The following CELF1 variants were observed in gnomAD, a reference collection of about 807,000 sequenced individuals.
CELF1 encodes the protein 50 kDa nuclear polyadenylated RNA-binding protein.
In CELF1, 10 loss-of-function variants were observed where a neutral mutation model predicts 61.8. The observed-to-expected ratio is 0.16, with a 90% confidence interval of 0.10 to 0.27. The LOEUF is 0.27. Among genes scored for constraint, CELF1 ranks in the 10% least tolerant of loss-of-function variants. CELF1 has a pLI of 1.00. For synonymous variants in CELF1, 236 were observed against 225.1 expected, an observed-to-expected ratio of 1.05 and a Z score of -0.43; for missense variants, 380 against 639.1, an observed-to-expected ratio of 0.59 and a Z score of 4.37.
intron 1 of CELF1, among the ~76,000 whole-genome samples, chr11:47,516,503 G>A (rs577358705): frequency 1.3e-5 from 2 of 152,154 alleles, no homozygotes; most frequent in African/African-American, 4.8e-5. Flanking sequence ...AATCTTCCGG[G>A]TATTGCAGAT....
At chr11:47,546,236 CTTT>C (rs11315629) in intron 1 of CELF1, among the ~76,000 whole-genome samples, 23 of 79,144 alleles carry the variant, frequency 2.9e-4, no homozygotes, top group Admixed American at 3.2e-4. Context: ...CTCTCAGTAT[CTTT>C]TTTTTTTTTT....
At chr11:47,501,801 C>A (rs1454242185) in intron 1 of CELF1, among the ~76,000 whole-genome samples, 2 of 152,124 alleles carry the variant, frequency 1.3e-5, no homozygotes, top group South Asian at 2.1e-4. Context: ...CCAGCCTGGG[C>A]GACAGTAAGA....
chr11:47,558,571 ATAAATATATATATATATT>A (rs2097213813), intron 2 of CELF1, among the ~76,000 whole-genome samples: 1 of 114,472 alleles, frequency 8.7e-6, no homozygotes, highest in Non-Finnish European at 1.6e-5. Flanking sequence ...TATATAATAT[ATAAATATATATATATATT>A]TATATTATAT....
intron 1 of CELF1, among the ~76,000 whole-genome samples, chr11:47,516,991 G>C (rs1187140483): frequency 1.3e-5 from 2 of 152,102 alleles, no homozygotes; most frequent in African/African-American, 4.8e-5. Context: ...TGAGCACAGT[G>C]GCTCACACTT....
At chr11:47,477,155 G>T in intron 11 of CELF1, 142 bp downstream of exon 11, 2 of 994,012 alleles carry the variant, frequency 2.0e-6, no homozygotes, top group South Asian at 3.1e-5. Flanking sequence ...AAGTACAAAA[G>T]ATGACATTTG....
chr11:47,475,695 A>G (rs1306740636), intron 12 of CELF1, among the ~76,000 whole-genome samples, 174 bp from the exon 13 acceptor site: 2 of 152,212 alleles, frequency 1.3e-5, no homozygotes, highest in African/African-American at 4.8e-5. Context: ...GACATTCACC[A>G]GGCCTTGCTA....
intron 1 of CELF1, among the ~76,000 whole-genome samples, chr11:47,511,262 T>G (rs2095135625): frequency 6.6e-6 from 1 of 151,872 alleles, no homozygotes; most frequent in South Asian, 2.1e-4. Context: ...GAACTGTTTT[T>G]CTCCTAAACA....
chr11:47,536,159 AAG>A (rs2096624720), intron 1 of CELF1, among the ~76,000 whole-genome samples: 1 of 152,140 alleles, frequency 6.6e-6, no homozygotes, highest in Admixed American at 6.6e-5. Context: ...ACTTGAGGCC[AAG>A]AGTTTGAGAC....
In CELF1 at chr11:47,487,903, A is replaced by C. The variant is rs538554630; in HGVS notation, c.260-662T>G. 5.4e-4 allele frequency among the ~76,000 whole-genome samples: 82 copies of C among 152,252 alleles called. No individual in the cohort carries two copies. In the South Asian group the frequency reaches 0.012, roughly 22 times the overall value. ...GTATATCTTGTAAATCTTGGGCTTA[A>C]ATGTTCTGACACTCCCATATTCTCA... On this transcript the variant is annotated intron_variant, in intron 4 of 14. Transcript: ENST00000687097.
chr11:47,472,058 A>G lies in CELF1; in HGVS notation c.*172T>C. The G allele has an allele frequency of 1.4e-6, 1 of 722,570 alleles. No individual in the cohort carries two copies. Among genetic ancestry groups the G allele is most frequent in the Non-Finnish European group, 2.3e-6 (1 of 437,752 alleles). The allele number at this position is 722,570 out of a possible 1,614,324, so 44.8% of individuals were successfully genotyped here. Reference sequence around the variant, plus strand: ...CAAACTTGTCCTCTGTACGAAGCGAAACTCCCACAGAAGGCAGTAGCCGAG... The same window carrying G: ...CAAACTTGTCCTCTGTACGAAGCGAGACTCCCACAGAAGGCAGTAGCCGAG... On this transcript the variant is annotated 3_prime_UTR_variant, in exon 15 of 15. Coordinates refer to ENST00000687097, the MANE Select transcript of CELF1 (RefSeq NM_001376376.1).
intron 1 of CELF1, among the ~76,000 whole-genome samples, chr11:47,529,146 C>T (rs2096372652): frequency 6.6e-6 from 1 of 150,636 alleles, no homozygotes; most frequent in African/African-American, 2.4e-5. Flanking sequence ...GGCGCAATCT[C>T]AGCTCACTGC....
chr11:47,558,576 T>TATATATATATTTATATATAAATATATAA (rs1555194417), intron 2 of CELF1, among the ~76,000 whole-genome samples: 1 of 106,384 alleles, frequency 9.4e-6, no homozygotes, highest in Non-Finnish European at 1.7e-5. Context: ...AATATATAAA[T>TATATATATATTTATATATAAATATATAA]ATATATATAT....
At chr11:47,474,474 C>A (rs944434017) in intron 13 of CELF1, among the ~76,000 whole-genome samples, 2 of 152,248 alleles carry the variant, frequency 1.3e-5, no homozygotes, top group African/African-American at 2.4e-5. Flanking sequence ...CCCTATCTCT[C>A]TTCCCGGCTT....
At chr11:47,562,021 G>A (rs929668327) in intron 2 of CELF1, among the ~76,000 whole-genome samples, 6 of 151,980 alleles carry the variant, frequency 3.9e-5, no homozygotes, top group Non-Finnish European at 8.8e-5. Flanking sequence ...GAGGTCGGGA[G>A]TTCGAGACCA....
At chr11:47,561,858 C>T (rs1326896030) in intron 2 of CELF1, among the ~76,000 whole-genome samples, 3 of 152,042 alleles carry the variant, frequency 2.0e-5, no homozygotes, top group Non-Finnish European at 4.4e-5. Context: ...AGTCCTGATA[C>T]TTGCTACAAC....
At chr11:47,475,998 A>AT (rs2079903889) in intron 12 of CELF1, among the ~76,000 whole-genome samples, 2 of 151,528 alleles carry the variant, frequency 1.3e-5, no homozygotes, top group African/African-American at 4.8e-5. Flanking sequence ...CCTATGTTCT[A>AT]ATTTTTTTTT....
At chr11:47,479,022 C>A in intron 9 of CELF1, 70 bp from the exon 10 acceptor site, 1 of 1,305,550 alleles carries the variant, frequency 7.7e-7, no homozygotes, top group Non-Finnish European at 1.1e-6. Flanking sequence ...GATAACTCTA[C>A]AGCACAGCAA....
intron 1 of CELF1, among the ~76,000 whole-genome samples, chr11:47,545,471 A>G (rs2096909456): frequency 6.6e-6 from 1 of 152,016 alleles, no homozygotes; most frequent in African/African-American, 2.4e-5. Context: ...AGAACCATAA[A>G]GTCTCCAATA....
intron 1 of CELF1, among the ~76,000 whole-genome samples, chr11:47,528,850 C>T (rs2096359744): frequency 6.6e-6 from 1 of 151,272 alleles, no homozygotes; most frequent in Non-Finnish European, 1.5e-5. Context: ...ATGATCACGC[C>T]ACTGCACTCC....
Sources: gnomAD v4.1 joint callset for allele counts (sites outside exome capture counted in the v4.1 genomes callset) on GRCh38, gnomAD v4.1.1 for gene constraint, MANE v1.5 for transcripts, NCBI Gene and HGNC (gene_info 2026-07-23, HGNC 2026-07-21) for gene names.